CENPO: variants seen among roughly 807,000 people sequenced by gnomAD.
CENPO encodes centromere protein O, also known as centromeric protein O.
A neutral mutation model predicts 36.1 loss-of-function variants in CENPO; 30 were observed. The ratio of observed to expected loss-of-function variants is 0.83; its 90% CI spans 0.62 to 1.13. CENPO has a LOEUF of 1.13. CENPO is among the 50% of genes most tolerant of loss of function. The pLI is 0.00. For synonymous variants in CENPO, 171 were observed against 142.3 expected (o/e 1.20, Z -1.44); for missense variants, 349 against 357.8 (o/e 0.98, Z 0.20).
chr2:24,815,703 T>C lies in CENPO; in HGVS notation c.541T>C (p.Cys181Arg). The change falls in exon 5 of 8, where the codon TGC becomes CGC. Residue 181 changes from cysteine to arginine, a missense_variant. Coordinates refer to ENST00000380834, the MANE Select transcript of CENPO (RefSeq NM_001322101.2). ...CATCCAGCACTTCCTGTTCAGTCTC[T>C]GCGAGTACCTGAATGCTTACTCTGG... ...TNIQHFLFSL[C>R]EYLNAYSGRK... 6.2e-7 allele frequency: 1 copy of C among 1,614,196 alleles called. No homozygotes were observed. Among genetic ancestry groups the C allele is most frequent in the Non-Finnish European group, 8.5e-7 (1 of 1,180,004 alleles).
At chr2:24,807,713 A>C (rs1035774374) in intron 3 of CENPO, among the ~76,000 whole-genome samples, 3 of 152,210 alleles carry the variant, frequency 2.0e-5, no homozygotes, top group Non-Finnish European at 4.4e-5. Context: ...AAATTCTGGC[A>C]GTTTTTGAAA....
intron 5 of CENPO, 94 bp downstream of exon 5, chr2:24,815,850 A>G: frequency 8.3e-7 from 1 of 1,201,808 alleles, no homozygotes; most frequent in East Asian, 2.4e-5. Flanking sequence ...CCTAACTGTG[A>G]GTTAGAAGTT....
chr2:24,803,118 A>G, intron 3 of CENPO, among the ~76,000 whole-genome samples: 1 of 151,690 alleles, frequency 6.6e-6, no homozygotes, highest in East Asian at 1.9e-4. Flanking sequence ...ATTTGCGTAG[A>G]GGTGTTTATA....
chr2:24,802,429 GT>G (rs1265674703), intron 3 of CENPO, among the ~76,000 whole-genome samples: 2 of 152,132 alleles, frequency 1.3e-5, no homozygotes, highest in African/African-American at 4.8e-5. Flanking sequence ...AATGCTTCCA[GT>G]TTTTGCCCAT....
rs1666264032 is a variant in CENPO at position 24,803,907 on chromosome 2, CT to C, written c.216+4064del. Among the ~76,000 whole-genome samples, 3 of 152,156 alleles carry C rather than the reference CT, an allele frequency of 2.0e-5. No individual in the cohort carries two copies. In the South Asian group the frequency reaches 6.2e-4, roughly 31 times the overall value. On this transcript the variant is annotated intron_variant, in intron 3 of 7. Coordinates refer to ENST00000380834, the MANE Select transcript of CENPO (RefSeq NM_001322101.2). ...CTTGTTAACTTTCTGTCTCGTTGAT[CT>C]GTCTAATGTTGATGGTGGGGTGTTA...
chr2:24,793,781 G>T, intron 1 of CENPO, 71 bp from the exon 2 acceptor site: 1 of 1,186,128 alleles, frequency 8.4e-7, no homozygotes, highest in Non-Finnish European at 1.3e-6. Context: ...TGCCTGAGTG[G>T]TGTGTGCCCT....
chr2:24,815,077 A>C (rs1436072487), intron 4 of CENPO, among the ~76,000 whole-genome samples: 1 of 152,020 alleles, frequency 6.6e-6, no homozygotes, highest in Non-Finnish European at 1.5e-5. Context: ...ATCTCTACTA[A>C]AAATTTAAAA....
At chr2:24,797,171 T>C (rs984598189) in intron 2 of CENPO, among the ~76,000 whole-genome samples, 2 of 152,188 alleles carry the variant, frequency 1.3e-5, no homozygotes, top group African/African-American at 4.8e-5. Context: ...TTAGAGATAC[T>C]AGGAATGTAT....
chr2:24,822,326 C>T lies in CENPO; in HGVS notation c.*3008C>T, dbSNP rs11691159. Reference sequence around the variant, plus strand: ...AACAGCAGGGGGTTGTGTGTCTGTTCTGTTTCTCTGCTTGCCGAACTTTCT... The same window carrying T: ...AACAGCAGGGGGTTGTGTGTCTGTTTTGTTTCTCTGCTTGCCGAACTTTCT... On this transcript the variant is annotated 3_prime_UTR_variant, in exon 8 of 8. Transcript: ENST00000380834. 88,545 of 812,878 alleles carry T rather than the reference C, an allele frequency of 0.11. 5,805 individuals are homozygous for T. Among genetic ancestry groups the T allele is most frequent in the Non-Finnish European group, 0.13 (70,353 of 528,498 alleles). 50.4% of individuals were successfully genotyped at this position (812,878 alleles called of 1,614,324 possible).
At position 24,819,685 on chromosome 2, in the gene CENPO, A is replaced by G; in HGVS notation, c.*367A>G. The G allele has an allele frequency of 2.4e-6, 1 of 424,796 alleles. No homozygotes were observed. Among genetic ancestry groups the G allele is most frequent in the Non-Finnish European group, 4.2e-6 (1 of 238,922 alleles). The allele number at this position is 424,796 out of a possible 1,614,324, so 26.3% of individuals were successfully genotyped here. A position where few individuals can be genotyped will look rare whatever the true frequency, so the allele number is the denominator to read the frequency against. Reference sequence around the variant, plus strand: ...CAGGGGCAAGGACGGCAGGGATTGGAACGAGGGCTCTGGAAGGACTGTTCA... The same window carrying G: ...CAGGGGCAAGGACGGCAGGGATTGGGACGAGGGCTCTGGAAGGACTGTTCA... On this transcript the variant is annotated 3_prime_UTR_variant, in exon 8 of 8. Coordinates refer to ENST00000380834, the MANE Select transcript of CENPO (RefSeq NM_001322101.2).
In CENPO at chr2:24,815,497, G is replaced by T. The variant is rs1180714750; in HGVS notation, c.335G>T (p.Gly112Val). Residue 112 changes from glycine (G) to valine (V), a missense_variant and splice_region_variant, in exon 5 of 8, where the codon GGC (glycine) becomes GTC (valine). Physicochemically the swap from Gly to Val is moderately radical, Grantham distance 109. Transcript: ENST00000380834. ...KAILQAYHFT[G>V]LSGKLTSRGV... Reference sequence around the variant, plus strand: ...TGAGGTGTCTTCTTGTTTGCCTCAGGCCTCAGTGGTAAACTGACCAGCCGA... The same window carrying T: ...TGAGGTGTCTTCTTGTTTGCCTCAGTCCTCAGTGGTAAACTGACCAGCCGA... The T allele has an allele frequency of 1.9e-6, 3 of 1,613,590 alleles. No individual in the cohort carries two copies. The highest frequency in any genetic ancestry group is 2.2e-5 in the East Asian group (1 of 44,886).
In CENPO at chr2:24,820,354, C is replaced by T; in HGVS notation, c.*1036C>T. On this transcript the variant is annotated 3_prime_UTR_variant, in exon 8 of 8. Transcript: ENST00000380834. ...TCCAGAGACTTCTCTCCTAGGATGG[C>T]CATGGTCACCTGGGTGGCAGCACTG... The T allele has an allele frequency of 1.5e-6, 2 of 1,328,232 alleles. No homozygotes were observed. The highest frequency in any genetic ancestry group is 3.0e-5 in the East Asian group (1 of 33,264). The allele number at this position is 1,328,232 out of a possible 1,614,324, so 82.3% of individuals were successfully genotyped here.
chr2:24,819,876 A>C lies in CENPO; in HGVS notation c.*558A>C. 1.3e-6 allele frequency: 2 copies of C among 1,570,382 alleles called. No homozygotes were observed. The highest frequency in any genetic ancestry group is 2.3e-5 in the East Asian group (1 of 44,012). On this transcript the variant is annotated 3_prime_UTR_variant, in exon 8 of 8. Coordinates refer to ENST00000380834, the MANE Select transcript of CENPO (RefSeq NM_001322101.2). ...ATCCAGGAAGGTCGGGACTTCCTTC[A>C]GTTTCAAAAAATAAATTCTCCCTTC...
Position 24,820,178 on chromosome 2 carries a change from G to T in CENPO, c.*860G>T. 1.5e-6 allele frequency: 2 copies of T among 1,308,638 alleles called. No individual in the cohort carries two copies. The highest frequency in any genetic ancestry group is 2.1e-6 in the Non-Finnish European group (2 of 962,642). The allele number at this position is 1,308,638 out of a possible 1,614,324, so 81.1% of individuals were successfully genotyped here. On this transcript the variant is annotated 3_prime_UTR_variant, in exon 8 of 8. Transcript: ENST00000380834. The stretch of plus-strand genomic sequence containing the variant: ...GGGAGCCTAGACTGAGGGCGGGTGG[G>T]GGCTTTGGGTGGTTGGAGCCGAGCA...
In CENPO at chr2:24,820,879, C is replaced by T. The variant is rs1409411632; in HGVS notation, c.*1561C>T. ...GTAGAGGCATAAAGTTCAGCACAGC[C>T]ACAGGCCACACCTTGTTATGGGCCT... is the stretch of plus-strand genomic sequence containing the variant. On this transcript the variant is annotated 3_prime_UTR_variant, in exon 8 of 8. Transcript: ENST00000380834. 2 of 1,610,820 alleles carry T rather than the reference C, an allele frequency of 1.2e-6. No homozygotes were observed. The highest frequency in any genetic ancestry group is 2.7e-5 in the African/African-American group (2 of 75,004).
Position 24,822,086 on chromosome 2 carries a change from G to A in CENPO, c.*2768G>A. The A allele has an allele frequency of 5.3e-6, 1 of 190,198 alleles. No homozygotes were observed. Among genetic ancestry groups the A allele is most frequent in the Non-Finnish European group, 1.1e-5 (1 of 91,626 alleles). 11.8% of individuals were successfully genotyped at this position (190,198 alleles called of 1,614,324 possible). A position where few individuals can be genotyped will look rare whatever the true frequency, so the allele number is the denominator to read the frequency against. On this transcript the variant is annotated 3_prime_UTR_variant, in exon 8 of 8. Coordinates refer to ENST00000380834, the MANE Select transcript of CENPO (RefSeq NM_001322101.2). ...GCAGGATGATGGTGTTTTAAGACCA[G>A]AGCTTGGGACCAGGGCTCCTACACC...
At chr2:24,816,185 T>C (rs1666931671) in intron 5 of CENPO, 1 of 187,488 alleles carries the variant, frequency 5.3e-6, no homozygotes, top group Admixed American at 5.6e-5. Context: ...CTAGCCTACC[T>C]TTTTGGGTTG....
rs771671144 is a variant in CENPO, at chr2:24,817,799, TCTC to T, written c.899_901del (p.Ser300del). 3.7e-6 allele frequency: 6 copies of T among 1,614,176 alleles called. No individual in the cohort carries two copies. Among genetic ancestry groups the T allele is most frequent in the South Asian group, 2.2e-5 (2 of 91,080 alleles). ...GGAGAAAAGTTGGATATGAGTCTGG[TCTC>T]CTAATAGATTGTTTTCACTGCACTG... is the stretch of plus-strand genomic sequence containing the variant. On this transcript the variant is annotated inframe_deletion, in exon 7 of 8. Coordinates refer to ENST00000380834, the MANE Select transcript of CENPO (RefSeq NM_001322101.2).
chr2:24,810,695 G>A (rs190136624), intron 3 of CENPO, among the ~76,000 whole-genome samples: 1 of 151,722 alleles, frequency 6.6e-6, no homozygotes, highest in East Asian at 2.0e-4. Flanking sequence ...TTTAGTAGAG[G>A]TGGGGTTTCA....
Sources: gnomAD v4.1 joint callset for allele counts (sites outside exome capture counted in the v4.1 genomes callset) on GRCh38, gnomAD v4.1.1 for gene constraint, MANE v1.5 for transcripts, NCBI Gene and HGNC (gene_info 2026-07-23, HGNC 2026-07-21) for gene names.